The following IPP variants were observed in gnomAD, a reference collection of about 807,000 sequenced individuals.
The protein encoded by IPP is intracisternal A particle-promoted polypeptide.
IPP carries 41 observed loss-of-function variants against 64.1 expected under a neutral mutation model. The observed-to-expected ratio is 0.64, with a 90% CI of 0.50 to 0.83. IPP has a LOEUF of 0.83. Ranked by LOEUF, IPP falls within the 40% of genes least tolerant of loss-of-function variation. The pLI is 0.00. For missense variants in IPP, 649 were observed against 703.0 expected, an observed-to-expected ratio of 0.92 and a Z score of 0.87; for synonymous variants, 214 against 235.2, an observed-to-expected ratio of 0.91 and a Z score of 0.83.
Position 45,719,188 on chromosome 1 carries a change from G to A in IPP, c.1186+15C>T. 1 of 1,613,060 alleles carries A rather than the reference G, an allele frequency of 6.2e-7. No homozygotes were observed. Among genetic ancestry groups the A allele is most frequent in the Non-Finnish European group, 8.5e-7 (1 of 1,179,330 alleles). ...AAACAATATTAGCTATCTTTAAACT[G>A]AACAACATAATTACCCAAAGCATAG... On this transcript the variant is annotated intron_variant, in intron 6 of 8. Transcript: ENST00000396478.
intron 8 of IPP, among the ~76,000 whole-genome samples, chr1:45,713,520 A>T (rs1645618705): frequency 6.6e-6 from 1 of 151,850 alleles, no homozygotes; most frequent in African/African-American, 2.4e-5. Flanking sequence ...AGATGGTGCC[A>T]CTGCACTCCA....
At chr1:45,719,111 A>T in intron 6 of IPP, 92 bp downstream of exon 6, 2 of 1,228,630 alleles carry the variant, frequency 1.6e-6, no homozygotes, top group Non-Finnish European at 2.3e-6. Flanking sequence ...CATGTGCCCC[A>T]TAAATATATA....
At chr1:45,707,470 AT>A (rs1178456768) in intron 8 of IPP, among the ~76,000 whole-genome samples, 10 of 151,568 alleles carry the variant, frequency 6.6e-5, no homozygotes, top group Non-Finnish European at 1.3e-4. Flanking sequence ...AATATTATTA[AT>A]TGTTTGGGGA....
At position 45,719,299 on chromosome 1, in the gene IPP, C is replaced by T; in HGVS notation, c.1090G>A (p.Asp364Asn). The change falls in exon 6 of 9, where the codon GAT becomes AAT. Residue 364 changes from aspartate (D) to asparagine (N), a missense_variant. By Grantham distance (23) the Asp-to-Asn change is conservative. Transcript: ENST00000396478. ...SMIFDCTECY[D>N]PVTKQWTTVA... Reference sequence around the variant, plus strand: ...GTTGTCCACTGTTTAGTAACTGGATCATAGCATTCAGTACAATCAAAAATC... The same window carrying T: ...GTTGTCCACTGTTTAGTAACTGGATTATAGCATTCAGTACAATCAAAAATC... The T allele has an allele frequency of 6.2e-7, 1 of 1,608,560 alleles. No individual in the cohort carries two copies. Among genetic ancestry groups the T allele is most frequent in the Non-Finnish European group, 8.5e-7 (1 of 1,175,838 alleles).
intron 8 of IPP, among the ~76,000 whole-genome samples, chr1:45,709,626 C>CGAG (rs1464883098): frequency 6.7e-6 from 1 of 148,502 alleles, no homozygotes; most frequent in Admixed American, 6.8e-5. Flanking sequence ...GGGCAGATCA[C>CGAG]GAGGTCAGGA....
chr1:45,744,878 T>C (rs1231149091), intron 2 of IPP, among the ~76,000 whole-genome samples: 2 of 151,962 alleles, frequency 1.3e-5, no homozygotes, highest in Non-Finnish European at 2.9e-5. Context: ...GGCAATGTAG[T>C]GAGACCCTGT....
intron 8 of IPP, among the ~76,000 whole-genome samples, chr1:45,704,928 C>G (rs917516276): frequency 6.6e-6 from 1 of 152,176 alleles, no homozygotes; most frequent in African/African-American, 2.4e-5. Flanking sequence ...AAGTACCACC[C>G]TTTTTCTAGA....
chr1:45,735,498 G>A lies in IPP; in HGVS notation c.724+5403C>T, dbSNP rs550830736. 3.1e-5 allele frequency among the ~76,000 whole-genome samples: 4 copies of A among 130,398 alleles called. No individual in the cohort carries two copies. In the South Asian group the frequency reaches 7.4e-4, roughly 24 times the overall value. The allele number at this position is 130,398 out of a possible 152,430, so 85.5% of individuals were successfully genotyped here. ...TTTTTTTTTTTTTTTTTTGAGACAG[G>A]GTCTCATTCTCTAACCCAGGCTGGA... On this transcript the variant is annotated intron_variant, in intron 3 of 8. Transcript: ENST00000396478.
chr1:45,719,418 G>A, intron 5 of IPP, 78 bp from the exon 6 acceptor site: 1 of 907,616 alleles, frequency 1.1e-6, no homozygotes, highest in South Asian at 1.9e-5. Flanking sequence ...ATATTCAGTA[G>A]TATTCCCTAT....
Position 45,700,097 on chromosome 1 carries a change from A to G in IPP, c.1624T>C (p.Ser542Pro). ...GGAGCCAAAAAATCATGGCTGGAAGATCGACCTCCAGAAACATACAGAAGA... is the reference window on the plus strand; with the variant it reads ...GGAGCCAAAAAATCATGGCTGGAAGGTCGACCTCCAGAAACATACAGAAGA... ...NGLLYVSGGR[S>P]SSHDFLAPGT... The change falls in exon 9 of 9, where the codon TCT (serine) becomes CCT (proline). Residue 542 changes from serine (S) to proline (P), a missense_variant. Transcript: ENST00000396478. 4 of 1,614,146 alleles carry G rather than the reference A, an allele frequency of 2.5e-6. No homozygotes were observed. The highest frequency in any genetic ancestry group is 3.4e-6 in the Non-Finnish European group (4 of 1,180,042).
intron 8 of IPP, 105 bp from the exon 9 acceptor site, chr1:45,700,295 TA>T: frequency 7.1e-7 from 1 of 1,409,572 alleles, no homozygotes; most frequent in East Asian, 2.4e-5. Flanking sequence ...TGTTTAAATG[TA>T]AAACTATCTA....
In IPP at chr1:45,724,104, GC is replaced by G. The variant is rs1202779993; in HGVS notation, c.1048+3526del. ...CTGCCTGATTCTCCTGCCTCAGCCT[GC>G]CGAGCGCCTGCAATTGCAGGCGCGC... On this transcript the variant is annotated intron_variant, in intron 5 of 8. Transcript: ENST00000396478. Among the ~76,000 whole-genome samples, 8 of 151,296 alleles carry G rather than the reference GC, an allele frequency of 5.3e-5. No individual in the cohort carries two copies. In the East Asian group the frequency reaches 1.2e-3, roughly 22 times the overall value.
chr1:45,733,432 CATAAATAAATAA>C (rs376977849), intron 3 of IPP, among the ~76,000 whole-genome samples: 8 of 145,670 alleles, frequency 5.5e-5, no homozygotes, highest in South Asian at 2.2e-4. Flanking sequence ...CTCAAAAAAA[CATAAATAAATAA>C]ATAAATAAAT....
Position 45,699,953 on chromosome 1 carries a change from T to C in IPP, c.*13A>G, listed in dbSNP as rs1645429816. ...TTTCAAAATGTTCCTTGTGCTCTGT[T>C]ATGCTTTATATTTCATAGCACAGCA... On this transcript the variant is annotated 3_prime_UTR_variant, in exon 9 of 9. Transcript: ENST00000396478. 2 of 1,613,716 alleles carry C rather than the reference T, an allele frequency of 1.2e-6. No individual in the cohort carries two copies. Among genetic ancestry groups the C allele is most frequent in the African/African-American group, 2.7e-5 (2 of 74,924 alleles).
chr1:45,726,003 G>A (rs1439643858), intron 5 of IPP, among the ~76,000 whole-genome samples: 2 of 144,830 alleles, frequency 1.4e-5, no homozygotes, highest in African/African-American at 2.5e-5. Context: ...TTGTTCACTT[G>A]TTTATCTGCT....
chr1:45,737,962 TA>T (rs141180937), intron 3 of IPP, among the ~76,000 whole-genome samples: 1,606 of 152,320 alleles, frequency 0.011, 30 homozygotes, highest in African/African-American at 0.037. Context: ...AATATGAACA[TA>T]ATTGTTCTAC....
In IPP at chr1:45,729,693, T is replaced by C; in HGVS notation, c.801A>G (p.Lys267=). The C allele has an allele frequency of 6.2e-7, 1 of 1,611,738 alleles. No homozygotes were observed. Among genetic ancestry groups the C allele is most frequent in the South Asian group, 1.1e-5 (1 of 90,892 alleles). ...GCAGAAAACTACAAAACTTGTTCTC[T>C]TTGGGAGATTTGCATACTTCACAGT... is the stretch of plus-strand genomic sequence containing the variant. ...KEYCEVCKSP[K]ENKFCSFLQT... The change falls in exon 4 of 9, where the codon AAA becomes AAG. Residue 267 remains lysine, a synonymous_variant. Coordinates refer to ENST00000396478, the MANE Select transcript of IPP (RefSeq NM_005897.3).
chr1:45,697,782 C>CTCCGTCTCTACTA (rs1169874608), downstream of IPP: 1 of 151,358 alleles, frequency 6.6e-6, no homozygotes, highest in Non-Finnish European at 1.5e-5. Flanking sequence ...CATGGTGAAA[C>CTCCGTCTCTACTA]TCCGTCTCTA....
intron 3 of IPP, among the ~76,000 whole-genome samples, chr1:45,738,114 T>C (rs1200662816): frequency 1.3e-5 from 2 of 152,186 alleles, no homozygotes; most frequent in Non-Finnish European, 2.9e-5. Flanking sequence ...TGGGGGGTTC[T>C]TAGAATGTAT....
Sources: allele counts gnomAD v4.1 joint callset (sites outside exome capture counted in the v4.1 genomes callset), GRCh38; gene constraint gnomAD v4.1.1; transcripts MANE v1.5; gene names NCBI Gene and HGNC (gene_info 2026-07-23, HGNC 2026-07-21).